STXBP5L: variants seen among roughly 807,000 people sequenced by gnomAD.
STXBP5L encodes the protein syntaxin-binding protein 5-like.
A neutral mutation model predicts 144.5 loss-of-function variants in STXBP5L; 65 were observed. The ratio of observed to expected loss-of-function variants is 0.45; its 90% CI spans 0.37 to 0.55. STXBP5L has a LOEUF of 0.55. Among genes scored for constraint, STXBP5L ranks in the 20% least tolerant of loss-of-function variants. The pLI, the probability that STXBP5L is intolerant of heterozygous loss-of-function variation, is 0.00. For missense variants in STXBP5L, 1,298 were observed against 1,405.5 expected (o/e 0.92, Z 1.22); for synonymous variants, 505 against 469.6 (o/e 1.08, Z -0.97).
intron 3 of STXBP5L, among the ~76,000 whole-genome samples, chr3:121,010,912 G>A (rs1340073388): frequency 4.0e-5 from 6 of 151,326 alleles, no homozygotes; most frequent in Admixed American, 2.0e-4. Flanking sequence ...GGTGGCAGAG[G>A]CAAATAAAAA....
intron 7 of STXBP5L, among the ~76,000 whole-genome samples, chr3:121,124,021 T>A (rs928299151): frequency 1.3e-5 from 2 of 151,816 alleles, no homozygotes; most frequent in Admixed American, 1.3e-4. Flanking sequence ...TTAATCTTCA[T>A]GTAATTTATG....
chr3:121,407,399 C>T lies in STXBP5L; in HGVS notation c.2744C>T (p.Ser915Phe), dbSNP rs61996327. 1.7e-3 allele frequency: 2,745 copies of T among 1,613,092 alleles called. 39 individuals carry two copies. In the African/African-American group the frequency reaches 0.032, roughly 19 times the overall value. Reference sequence around the variant, plus strand: ...AGGAAAGTGGTAATGAACTCATCTTCTGCATCCCAAGAAATAGGAGATCAT... The same window carrying T: ...AGGAAAGTGGTAATGAACTCATCTTTTGCATCCCAAGAAATAGGAGATCAT... ...WRRKVVMNSS[S>F]ASQEIGDHQY... Residue 915 changes from serine to phenylalanine, a missense_variant, in exon 23 of 27, where the codon TCT becomes TTT. Ser to Phe is a radical substitution (Grantham distance 155). Transcript: ENST00000471454.
At chr3:121,317,566 T>C (rs1369142536) in intron 19 of STXBP5L, among the ~76,000 whole-genome samples, 1 of 152,190 alleles carries the variant, frequency 6.6e-6, no homozygotes, top group Non-Finnish European at 1.5e-5. Flanking sequence ...AGCTCTCAAA[T>C]GTTTCTGAGC....
At chr3:121,250,131 G>A (rs2049983475) in intron 14 of STXBP5L, among the ~76,000 whole-genome samples, 1 of 151,860 alleles carries the variant, frequency 6.6e-6, no homozygotes, top group South Asian at 2.1e-4. Context: ...TTCTCATGAG[G>A]AATATCGGTT....
chr3:120,971,026 C>T (rs1436688319), intron 3 of STXBP5L, among the ~76,000 whole-genome samples: 7 of 152,066 alleles, frequency 4.6e-5, no homozygotes, highest in Admixed American at 6.6e-5. Context: ...TGTATTGTAG[C>T]CCTGCCATTG....
chr3:120,954,005 T>C (rs2107699980), intron 2 of STXBP5L, among the ~76,000 whole-genome samples: 1 of 152,264 alleles, frequency 6.6e-6, no homozygotes, highest in East Asian at 1.9e-4. Flanking sequence ...AAGAATTATA[T>C]TGTGAACACT....
chr3:121,007,210 A>G (rs1944395979), intron 3 of STXBP5L, among the ~76,000 whole-genome samples: 1 of 152,082 alleles, frequency 6.6e-6, no homozygotes, highest in Non-Finnish European at 1.5e-5. Context: ...TAGATATTGA[A>G]GTTACTTTAC....
chr3:121,335,304 A>G (rs1047957559), intron 20 of STXBP5L, among the ~76,000 whole-genome samples: 3 of 152,306 alleles, frequency 2.0e-5, no homozygotes, highest in African/African-American at 7.2e-5. Context: ...AAGAAAACAG[A>G]GATGACACAA....
chr3:121,278,557 A>T (rs1174703590), intron 18 of STXBP5L, among the ~76,000 whole-genome samples: 1 of 152,012 alleles, frequency 6.6e-6, no homozygotes, highest in East Asian at 1.9e-4. Context: ...TAAGGATACT[A>T]ATTTGTTATA....
At chr3:120,976,869 T>C (rs191832729) in intron 3 of STXBP5L, among the ~76,000 whole-genome samples, 3 of 152,276 alleles carry the variant, frequency 2.0e-5, no homozygotes, top group Admixed American at 6.5e-5. Context: ...GTGAGTTTCT[T>C]AACCCTGAGT....
chr3:121,042,335 AAAC>A (rs1337345304), intron 4 of STXBP5L, among the ~76,000 whole-genome samples: 1 of 152,280 alleles, frequency 6.6e-6, no homozygotes, highest in African/African-American at 2.4e-5. Context: ...AACTCTCTAA[AAAC>A]AAAATATGTA....
chr3:121,044,277 A>G lies in STXBP5L; in HGVS notation c.370-1158A>G, dbSNP rs146068852. Among the ~76,000 whole-genome samples, 58 of 152,258 alleles carry G rather than the reference A, an allele frequency of 3.8e-4. No homozygotes were observed. In the East Asian group the frequency reaches 6.0e-3, roughly 16 times the overall value. On this transcript the variant is annotated intron_variant, in intron 4 of 26. Transcript: ENST00000471454. ...TTTTATAAAGCCATTCCTCTCTGAG[A>G]CTAAAATCACAGGTACCAAATATAA...
At position 121,123,991 on chromosome 3, in the gene STXBP5L, T is replaced by G. The variant is rs948440731; in HGVS notation, c.669+2287T>G. 2.6e-5 allele frequency among the ~76,000 whole-genome samples: 4 copies of G among 151,842 alleles called. No homozygotes were observed. In the East Asian group the frequency reaches 7.7e-4, roughly 29 times the overall value. On this transcript the variant is annotated intron_variant, in intron 7 of 26. Coordinates refer to ENST00000471454, the MANE Select transcript of STXBP5L (RefSeq NM_001308330.2). ...ATTTTTTTCTATTGGTTTTAAGACC[T>G]TGCATTTCACAATTAGATTTTAATC... is the stretch of plus-strand genomic sequence containing the variant.
chr3:121,100,041 G>A (rs2043333030), intron 5 of STXBP5L, among the ~76,000 whole-genome samples: 1 of 152,146 alleles, frequency 6.6e-6, no homozygotes. Context: ...AATTTGACAT[G>A]AAAATTTAAC....
At chr3:121,159,630 T>TC (rs2108012223) in intron 9 of STXBP5L, among the ~76,000 whole-genome samples, 2 of 147,456 alleles carry the variant, frequency 1.4e-5, no homozygotes, top group South Asian at 4.4e-4. Flanking sequence ...ACATTTTCTT[T>TC]TTTTTTTTTT....
intron 20 of STXBP5L, among the ~76,000 whole-genome samples, chr3:121,376,816 G>C (rs2046197204): frequency 6.6e-6 from 1 of 152,062 alleles, no homozygotes; most frequent in African/African-American, 2.4e-5. Flanking sequence ...AATAGCTTTG[G>C]GCAGTATGGC....
intron 18 of STXBP5L, among the ~76,000 whole-genome samples, chr3:121,271,433 G>C (rs2050731804): frequency 1.3e-5 from 2 of 152,048 alleles, no homozygotes; most frequent in Non-Finnish European, 2.9e-5. Flanking sequence ...TCTACCCCTG[G>C]AATCAGCTAT....
chr3:121,280,616 C>G (rs898666584), intron 19 of STXBP5L, among the ~76,000 whole-genome samples: 1 of 151,892 alleles, frequency 6.6e-6, no homozygotes, highest in Non-Finnish European at 1.5e-5. Flanking sequence ...CAAAGTTTTA[C>G]TGAAATTTTA....
At chr3:120,972,840 G>A (rs922313226) in intron 3 of STXBP5L, among the ~76,000 whole-genome samples, 1 of 152,032 alleles carries the variant, frequency 6.6e-6, no homozygotes, top group Non-Finnish European at 1.5e-5. Flanking sequence ...TAGTTTTTAT[G>A]TTTTTAATTC....
Sources: gnomAD v4.1 joint callset for allele counts (sites outside exome capture counted in the v4.1 genomes callset) on GRCh38, gnomAD v4.1.1 for gene constraint, MANE v1.5 for transcripts, NCBI Gene and HGNC (gene_info 2026-07-23, HGNC 2026-07-21) for gene names.